LIG4: variants seen among roughly 807,000 people sequenced by gnomAD.
LIG4 encodes the protein DNA joinase.
LIG4 carries 13 observed loss-of-function variants against 19.0 expected under a neutral mutation model. The observed-to-expected ratio is 0.68, with a 90% CI of 0.44 to 1.09. The LOEUF (loss-of-function observed/expected upper bound fraction) is 1.09, where lower values mean the gene tolerates loss of function less well. LIG4 is among the 50% of genes least tolerant of loss of function. LIG4 has a pLI of 0.00. For synonymous variants in LIG4, 361 were observed against 358.2 expected (o/e 1.01, Z -0.09); for missense variants, 1,026 against 1,089.7 (o/e 0.94, Z 0.82).
In LIG4 at chr13:108,211,187, T is replaced by C. The variant is rs760532459; in HGVS notation, c.82A>G (p.Lys28Glu). The change falls in exon 3 of 3, where the codon AAA (lysine) becomes GAA (glutamate). Residue 28 changes from lysine (K) to glutamate (E), a missense_variant. By Grantham distance (56) the Lys-to-Glu change is moderately conservative. Transcript: ENST00000442234. ...ATTTTTTCTGCACGTCCTTTACTTT[T>C]CTGTATTCGTTCTAAAGTTGAACAC... ...DLCSTLERIQKSKGRAEKIRH... is the reference protein window; with the variant it reads ...DLCSTLERIQESKGRAEKIRH... 5.0e-6 allele frequency: 8 copies of C among 1,613,414 alleles called. No homozygotes were observed. The African/African-American group carries it at 1.1e-4, about 22-fold the overall frequency.
intron 2 of LIG4, among the ~76,000 whole-genome samples, chr13:108,212,258 G>A (rs1158341877): frequency 6.6e-6 from 1 of 151,638 alleles, no homozygotes; most frequent in Non-Finnish European, 1.5e-5. Flanking sequence ...AATGCCAAGT[G>A]CTTTAACAAA....
intron 2 of LIG4, among the ~76,000 whole-genome samples, chr13:108,214,019 T>C (rs1878943269): frequency 6.6e-6 from 1 of 152,192 alleles, no homozygotes; most frequent in African/African-American, 2.4e-5. Context: ...GGAGAATGAA[T>C]GCAAGCAATT....
At chr13:108,217,550 A>T (rs1204657164), upstream of LIG4, among the ~76,000 whole-genome samples, 1 of 151,680 alleles carries the variant, frequency 6.6e-6, no homozygotes, top group Non-Finnish European at 1.5e-5. Flanking sequence ...AACAAAAAGT[A>T]GCGGGGCGTG....
At chr13:108,212,215 G>A (rs559589617) in intron 2 of LIG4, among the ~76,000 whole-genome samples, 3 of 141,838 alleles carry the variant, frequency 2.1e-5, no homozygotes, top group East Asian at 1.9e-4. Flanking sequence ...AAGAAAAAAA[G>A]GGGGGGAGTG....
chr13:108,208,546 T>C lies in LIG4; in HGVS notation c.2723A>G (p.Gln908Arg). The change falls in exon 3 of 3, where the codon CAG (glutamine) becomes CGG (arginine). Residue 908 changes from glutamine to arginine, a missense_variant. Gln to Arg is a conservative substitution (Grantham distance 43). Around this residue, in one of 3 missense-constraint regions of LIG4, gnomAD observed 521 missense variants for 515.5 expected, o/e 1.01. Coordinates refer to ENST00000442234, the MANE Select transcript of LIG4 (RefSeq NM_206937.2). ...IDKCELQEEN[Q>R]YLI The stretch of plus-strand genomic sequence containing the variant: ...GGAAACCTAGCTTTAAATCAAATAC[T>C]GGTTTTCTTCTTGTAATTCACACTT... 1 of 1,608,376 alleles carries C rather than the reference T, an allele frequency of 6.2e-7. No individual in the cohort carries two copies. Among genetic ancestry groups the C allele is most frequent in the Non-Finnish European group, 8.5e-7 (1 of 1,175,022 alleles).
chr13:108,217,580 C>T (rs922837680), upstream of LIG4, among the ~76,000 whole-genome samples: 13 of 151,840 alleles, frequency 8.6e-5, no homozygotes, highest in African/African-American at 3.1e-4. Context: ...ACCTGTAATC[C>T]CAGCTAGGTC....
At chr13:108,215,072 C>G (rs1302315269) in intron 1 of LIG4, among the ~76,000 whole-genome samples, 1 of 86,198 alleles carries the variant, frequency 1.2e-5, no homozygotes, top group Non-Finnish European at 2.4e-5. Context: ...CCCACACCCC[C>G]CACTTGACTC....
chr13:108,210,222 A>G lies in LIG4; in HGVS notation c.1047T>C (p.Phe349=). The G allele has an allele frequency of 5.0e-6, 8 of 1,613,778 alleles. No individual in the cohort carries two copies. Among genetic ancestry groups the G allele is most frequent in the Non-Finnish European group, 6.8e-6 (8 of 1,179,822 alleles). Residue 349 remains phenylalanine, a synonymous_variant, in exon 3 of 3, where the codon TTT becomes TTC. Coordinates refer to ENST00000442234, the MANE Select transcript of LIG4 (RefSeq NM_206937.2). ...AATCCTCTACCATTCTTTTAATATC[A>G]AACTTAGTTCCCTTTTGCATGAAAG... ...TQTFMQKGTK[F]DIKRMVEDSD...
upstream of LIG4, among the ~76,000 whole-genome samples, chr13:108,216,599 G>T (rs1460519204): frequency 6.6e-6 from 1 of 152,182 alleles, no homozygotes; most frequent in African/African-American, 2.4e-5. Flanking sequence ...CTGTGATGTT[G>T]TAAAGTCTCA....
chr13:108,213,560 G>A (rs879165690), intron 2 of LIG4, among the ~76,000 whole-genome samples: 5 of 152,110 alleles, frequency 3.3e-5, no homozygotes, highest in Admixed American at 3.3e-4. Flanking sequence ...TCATTACAAC[G>A]GCATAAAAAG....
In LIG4 at chr13:108,209,576, C is replaced by T. The variant is rs140584260; in HGVS notation, c.1693G>A (p.Val565Ile). The T allele has an allele frequency of 2.2e-5, 36 of 1,613,934 alleles. No individual in the cohort carries two copies. In the Middle Eastern group the frequency reaches 6.6e-4, roughly 29 times the overall value. ...CCAGTTTTATACATATCACTGGGTA[C>T]GATCTCTGCTGCTTTAATCTGAACA... The part of the protein sequence containing the change: ...VIVQIKAAEI[V>I]PSDMYKTGCT... Residue 565 changes from valine to isoleucine, a missense_variant, in exon 3 of 3, where the codon GTA becomes ATA. Transcript: ENST00000442234.
chr13:108,210,776 C>G lies in LIG4; in HGVS notation c.493G>C (p.Asp165His). The change falls in exon 3 of 3, where the codon GAC becomes CAC. Residue 165 changes from aspartate to histidine, a missense_variant. Around this residue, in one of 3 missense-constraint regions of LIG4, gnomAD observed 493 missense variants for 544.5 expected, o/e 0.91. Transcript: ENST00000442234. ...TGAAGAAGGCTCTTTTTTATTAGGT[C>G]TTTTCTTTTAGCAGAATTATTGCTG... is the stretch of plus-strand genomic sequence containing the variant. Reference protein sequence around the residue: ...IASNNSAKRKDLIKKSLLQLI... With the variant: ...IASNNSAKRKHLIKKSLLQLI... 6.2e-7 allele frequency: 1 copy of G among 1,613,936 alleles called. No homozygotes were observed. The highest frequency in any genetic ancestry group is 8.5e-7 in the Non-Finnish European group (1 of 1,179,934).
rs1177792284 is a variant in LIG4, at chr13:108,207,497, A to G, written c.*1036T>C. On this transcript the variant is annotated 3_prime_UTR_variant, in exon 3 of 3. Coordinates refer to ENST00000442234, the MANE Select transcript of LIG4 (RefSeq NM_206937.2). ...ATTAAGAAGTATAACAAAATCACAT[A>G]CATTTGTTCCACGGTTTGAATAAAA... is the stretch of plus-strand genomic sequence containing the variant. 1 of 152,198 alleles carries G rather than the reference A, an allele frequency of 6.6e-6. No homozygotes were observed. Among genetic ancestry groups the G allele is most frequent in the African/African-American group, 2.4e-5 (1 of 41,448 alleles). 9.4% of individuals were successfully genotyped at this position (152,198 alleles called of 1,614,324 possible).
Position 108,209,423 on chromosome 13 carries a change from A to G in LIG4, c.1846T>C (p.Tyr616His). The change falls in exon 3 of 3, where the codon TAT becomes CAT. Residue 616 changes from tyrosine to histidine, a missense_variant. Transcript: ENST00000442234. ...ASGKLASKHLYIGGDDEPQEK... is the reference protein window; with the variant it reads ...ASGKLASKHLHIGGDDEPQEK... ...TGTGGTTCATCATCACCACCTATAT[A>G]AAGGTGTTTAGATGCGAGCTTACCA... 1.2e-6 allele frequency: 2 copies of G among 1,614,048 alleles called. No individual in the cohort carries two copies. Among genetic ancestry groups the G allele is most frequent in the South Asian group, 1.1e-5 (1 of 91,068 alleles).
chr13:108,212,537 A>C (rs1483036863), intron 2 of LIG4, among the ~76,000 whole-genome samples: 3 of 152,142 alleles, frequency 2.0e-5, no homozygotes, highest in African/African-American at 7.2e-5. Context: ...CATGAATAGA[A>C]ACTATGTTTT....
Position 108,208,505 on chromosome 13 carries a change from G to GA in LIG4, c.*27dup. ...CTGCTGCAATGAGTCTGCCAGATCA[G>GA]AGGCTTTCCTCACTAGGAAACCTAG... On this transcript the variant is annotated 3_prime_UTR_variant, in exon 3 of 3. Coordinates refer to ENST00000442234, the MANE Select transcript of LIG4 (RefSeq NM_206937.2). The GA allele has an allele frequency of 7.0e-7, 1 of 1,433,052 alleles. No homozygotes were observed. Among genetic ancestry groups the GA allele is most frequent in the Non-Finnish European group, 9.8e-7 (1 of 1,018,250 alleles). The allele number at this position is 1,433,052 out of a possible 1,614,324, so 88.8% of individuals were successfully genotyped here.
intron 1 of LIG4, 144 bp downstream of exon 1, chr13:108,215,340 G>A (rs1466875219): frequency 1.1e-5 from 1 of 90,958 alleles, no homozygotes; most frequent in Non-Finnish European, 2.3e-5. Context: ...CCGGTCTGTT[G>A]CCCCACAGAC....
upstream of LIG4, among the ~76,000 whole-genome samples, chr13:108,216,397 G>T (rs554106891): frequency 1.3e-5 from 2 of 152,288 alleles, no homozygotes; most frequent in Admixed American, 1.3e-4. Context: ...TTGCTGCAGT[G>T]GGCCCTGATA....
Position 108,209,000 on chromosome 13 carries a change from C to T in LIG4, c.2269G>A (p.Glu757Lys). ...TAACTATCACCATAGCAATCATATT[C>T]ACGGGCAAAATGTTCTTTGGTTGAT... ...CPSTKEHFAR[E>K]YDCYGDSYFI... Residue 757 changes from glutamate (E) to lysine (K), a missense_variant, in exon 3 of 3, where the codon GAA (glutamate) becomes AAA (lysine). By Grantham distance (56) the Glu-to-Lys change is moderately conservative. Transcript: ENST00000442234. 6.2e-7 allele frequency: 1 copy of T among 1,614,122 alleles called. No individual in the cohort carries two copies. Among genetic ancestry groups the T allele is most frequent in the Middle Eastern group, 1.6e-4 (1 of 6,062 alleles).
Sources: allele counts gnomAD v4.1 joint callset (sites outside exome capture counted in the v4.1 genomes callset), GRCh38; gene constraint gnomAD v4.1.1; regional missense constraint gnomAD v4.1.1; transcripts MANE v1.5; gene names NCBI Gene and HGNC (gene_info 2026-07-23, HGNC 2026-07-21).